The following NIPSNAP1 variants were observed in gnomAD, a reference collection of about 807,000 sequenced individuals.
NIPSNAP1 encodes protein NipSnap homolog 1.
A neutral mutation model predicts 49.2 loss-of-function variants in NIPSNAP1; 25 were observed. The observed-to-expected ratio is 0.51, with a 90% confidence interval of 0.37 to 0.71. The LOEUF (loss-of-function observed/expected upper bound fraction) is 0.71. NIPSNAP1 is among the 30% of genes least tolerant of loss of function. The pLI is 0.00. For synonymous variants in NIPSNAP1, 143 were observed against 140.7 expected (o/e 1.02, Z -0.12); for missense variants, 294 against 361.0 (o/e 0.81, Z 1.50).
chr22:29,574,289 A>AAAAAAAAGAAAGAAAAAG (rs2064434492), intron 1 of NIPSNAP1, among the ~76,000 whole-genome samples: 64 of 125,250 alleles, frequency 5.1e-4, no homozygotes, highest in African/African-American at 1.9e-3. Flanking sequence ...AAAAAAAAAA[A>AAAAAAAAGAAAGAAAAAG]AAAGAAAGAA....
At position 29,581,087 on chromosome 22, in the gene NIPSNAP1, G is replaced by A. The variant is rs981911004; in HGVS notation, c.-5C>T. ...GCTGCACAGCCGCGGAGCCATGTTG[G>A]AGCCGCAAAGGTTGCAGGAAGGCCC... On this transcript the variant is annotated 5_prime_UTR_variant, in exon 1 of 10. Transcript: ENST00000216121. 7.8e-6 allele frequency: 12 copies of A among 1,541,350 alleles called. No homozygotes were observed. Among genetic ancestry groups the A allele is most frequent in the Non-Finnish European group, 1.0e-5 (12 of 1,146,026 alleles).
chr22:29,567,602 C>CA (rs1214760020), intron 4 of NIPSNAP1, among the ~76,000 whole-genome samples: 1 of 151,624 alleles, frequency 6.6e-6, no homozygotes, highest in Non-Finnish European at 1.5e-5. Context: ...CCTGTACTCC[C>CA]AGCACTTTGG....
intron 4 of NIPSNAP1, among the ~76,000 whole-genome samples, chr22:29,565,227 A>C (rs905864746): frequency 2.0e-5 from 3 of 151,586 alleles, no homozygotes; most frequent in African/African-American, 7.3e-5. Flanking sequence ...AAAAGAAGAA[A>C]AAGGCCAGGG....
Position 29,555,534 on chromosome 22 carries a change from C to G in NIPSNAP1, c.*401G>C, listed in dbSNP as rs974894111. ...GGAATTCCTGAGGGCCTGGCCTGGC[C>G]TCCTCTCTTCCCACCCCACCTCTAG... On this transcript the variant is annotated 3_prime_UTR_variant, in exon 10 of 10. Coordinates refer to ENST00000216121, the MANE Select transcript of NIPSNAP1 (RefSeq NM_003634.4). The G allele has an allele frequency of 1.3e-5, 3 of 233,132 alleles. No individual in the cohort carries two copies. The highest frequency in any genetic ancestry group is 6.7e-5 in the African/African-American group (3 of 44,858). 14.4% of individuals were successfully genotyped at this position (233,132 alleles called of 1,614,324 possible). A position where few individuals can be genotyped will look rare whatever the true frequency, so the allele number is the denominator to read the frequency against.
intron 4 of NIPSNAP1, among the ~76,000 whole-genome samples, chr22:29,568,178 CAAAAAAAAAAAAAA>C (rs33974680): frequency 2.5e-5 from 1 of 40,630 alleles, no homozygotes; most frequent in Admixed American, 4.0e-4. Flanking sequence ...GACCCTGTCT[CAAAAAAAAAAAAAA>C]AAAAAAAAAA....
At chr22:29,557,636 G>A (rs751185395) in intron 9 of NIPSNAP1, among the ~76,000 whole-genome samples, 7 of 152,086 alleles carry the variant, frequency 4.6e-5, no homozygotes, top group Non-Finnish European at 8.8e-5. Flanking sequence ...TCCCTATGTT[G>A]CCCAGGCTGG....
rs748365576 is a variant in NIPSNAP1, at chr22:29,555,583, G to A, written c.*352C>T. 6.4e-6 allele frequency: 2 copies of A among 311,756 alleles called. No homozygotes were observed. Among genetic ancestry groups the A allele is most frequent in the South Asian group, 6.0e-5 (2 of 33,182 alleles). 19.3% of individuals were successfully genotyped at this position (311,756 alleles called of 1,614,324 possible). On this transcript the variant is annotated 3_prime_UTR_variant, in exon 10 of 10. Coordinates refer to ENST00000216121, the MANE Select transcript of NIPSNAP1 (RefSeq NM_003634.4). ...AGCCACTGGACATACTACCTTTTGT[G>A]CAACTAAGCTAAACAGAGGATTTCC... is the stretch of plus-strand genomic sequence containing the variant.
At chr22:29,569,767 T>G in intron 3 of NIPSNAP1, 1 of 339,710 alleles carries the variant, frequency 2.9e-6, no homozygotes, top group Non-Finnish European at 5.7e-6. Flanking sequence ...GGCAGGTGGA[T>G]CACCTGAGGT....
intron 4 of NIPSNAP1, among the ~76,000 whole-genome samples, chr22:29,566,454 G>A (rs468150): frequency 0.53 from 80,051 of 151,824 alleles, 21,347 homozygotes; most frequent in South Asian, 0.66. Flanking sequence ...AAGTAGCTAG[G>A]ACTACAGGTG....
chr22:29,556,672 T>C (rs2064296761), intron 9 of NIPSNAP1, among the ~76,000 whole-genome samples: 1 of 152,258 alleles, frequency 6.6e-6, no homozygotes, highest in Admixed American at 6.5e-5. Flanking sequence ...TTAATGTGCA[T>C]ACAAATCACT....
chr22:29,560,034 C>T (rs1039918322), intron 8 of NIPSNAP1, among the ~76,000 whole-genome samples: 5 of 152,202 alleles, frequency 3.3e-5, no homozygotes, highest in African/African-American at 1.2e-4. Context: ...CTCCTTGCCA[C>T]ACCTCAAAAC....
intron 1 of NIPSNAP1, chr22:29,580,324 G>A (rs942566180): frequency 1.7e-5 from 16 of 956,828 alleles, no homozygotes; most frequent in Non-Finnish European, 1.9e-5. Flanking sequence ...CCCTAGCTCA[G>A]CCCAGAGCAG....
chr22:29,560,241 C>CTTTT (rs35947318), intron 8 of NIPSNAP1, among the ~76,000 whole-genome samples: 8 of 145,318 alleles, frequency 5.5e-5, no homozygotes, highest in African/African-American at 1.0e-4. Context: ...CTCTCCCTGC[C>CTTTT]TTTTTTTTTT....
intron 9 of NIPSNAP1, among the ~76,000 whole-genome samples, chr22:29,557,975 G>C (rs2064307572): frequency 6.6e-6 from 1 of 152,146 alleles, no homozygotes; most frequent in African/African-American, 2.4e-5. Flanking sequence ...CAAAAAACTT[G>C]TTCAAGGCTG....
intron 1 of NIPSNAP1, among the ~76,000 whole-genome samples, chr22:29,572,251 C>A (rs1231374971): frequency 7.9e-6 from 1 of 125,860 alleles, no homozygotes; most frequent in Admixed American, 1.1e-4. Context: ...TGCAGTGAGC[C>A]AAGATCGCAC....
At chr22:29,560,507 A>G (rs752489852) in intron 8 of NIPSNAP1, among the ~76,000 whole-genome samples, 5 of 151,928 alleles carry the variant, frequency 3.3e-5, no homozygotes, top group Non-Finnish European at 7.4e-5. Flanking sequence ...CGGCCTCCCA[A>G]AGTGTCGTGA....
rs2064369859 is a variant in NIPSNAP1 at position 29,566,612 on chromosome 22, C to T, written c.367+2581G>A. On this transcript the variant is annotated intron_variant, in intron 4 of 9. Coordinates refer to ENST00000216121, the MANE Select transcript of NIPSNAP1 (RefSeq NM_003634.4). ...CCAAGGCTGACGGATTGCTTGAGTCCAGGAGTTCAAGACCAGCCTGGGCAA... is the reference window on the plus strand; with the variant it reads ...CCAAGGCTGACGGATTGCTTGAGTCTAGGAGTTCAAGACCAGCCTGGGCAA... Among the ~76,000 whole-genome samples, 2 of 152,040 alleles carry T rather than the reference C, an allele frequency of 1.3e-5. 1 individual carries two copies. Among genetic ancestry groups the T allele is most frequent in the South Asian group, 4.2e-4 (2 of 4,802 alleles).
intron 4 of NIPSNAP1, among the ~76,000 whole-genome samples, chr22:29,565,231 G>C (rs755667723): frequency 6.6e-6 from 1 of 151,774 alleles, no homozygotes; most frequent in Non-Finnish European, 1.5e-5. Context: ...GAAGAAAAAG[G>C]CCAGGGGCAG....
chr22:29,574,396 A>G (rs879645658), intron 1 of NIPSNAP1, among the ~76,000 whole-genome samples: 2 of 151,864 alleles, frequency 1.3e-5, no homozygotes, highest in Non-Finnish European at 1.5e-5. Context: ...ATTCATTGTA[A>G]TTTTTTATAA....
Sources: gnomAD v4.1 joint callset for allele counts (sites outside exome capture counted in the v4.1 genomes callset) on GRCh38, gnomAD v4.1.1 for gene constraint, MANE v1.5 for transcripts, NCBI Gene and HGNC (gene_info 2026-07-23, HGNC 2026-07-21) for gene names.